Variants in MCTP2 observed in about 807,000 individuals in gnomAD.
MCTP2 encodes the protein multiple C2 and transmembrane domain containing 2.
A neutral mutation model predicts 111.6 loss-of-function variants in MCTP2; 132 were observed. The ratio of observed to expected loss-of-function variants is 1.18; its 90% confidence interval spans 1.03 to 1.37. MCTP2 has a LOEUF of 1.37. Among genes scored for constraint, MCTP2 ranks in the 40% most tolerant of loss-of-function variants. The pLI is 0.00. For synonymous variants in MCTP2, 395 were observed against 387.7 expected, an observed-to-expected ratio of 1.02 and a Z score of -0.22; for missense variants, 1,183 against 1,067.9, an observed-to-expected ratio of 1.11 and a Z score of -1.50.
chr15:94,382,496 T>G (rs1044448158), intron 12 of MCTP2, among the ~76,000 whole-genome samples: 6 of 152,286 alleles, frequency 3.9e-5, no homozygotes, highest in Admixed American at 3.9e-4. Flanking sequence ...AGGCCACTAG[T>G]CAGTTGAGTG....
intron 17 of MCTP2, among the ~76,000 whole-genome samples, chr15:94,430,503 G>A (rs1567690648): frequency 6.7e-6 from 1 of 149,532 alleles, no homozygotes; most frequent in Non-Finnish European, 1.5e-5. Flanking sequence ...AGGGTGAGGT[G>A]GGAGGATAAC....
chr15:94,383,043 T>C (rs572981868), intron 12 of MCTP2, among the ~76,000 whole-genome samples: 195 of 149,194 alleles, frequency 1.3e-3, no homozygotes, highest in African/African-American at 4.5e-3. Flanking sequence ...AAGTGAAAGA[T>C]GAGCTTAATT....
chr15:94,390,096 ATATATATATATATATATG>A (rs2080839914), intron 14 of MCTP2, among the ~76,000 whole-genome samples: 1 of 13,430 alleles, frequency 7.4e-5, no homozygotes, highest in African/African-American at 1.5e-4. Flanking sequence ...ATATGTATAT[ATATATATATATATATATG>A]TATATATATA....
chr15:94,245,417 CAT>C (rs978835438), intron 1 of MCTP2, among the ~76,000 whole-genome samples: 7 of 72,420 alleles, frequency 9.7e-5, no homozygotes, highest in South Asian at 4.4e-4. Context: ...TATTTATATA[CAT>C]GTGTGTATAT....
chr15:94,391,729 C>T (rs1225633458), intron 14 of MCTP2, among the ~76,000 whole-genome samples: 1 of 152,042 alleles, frequency 6.6e-6, no homozygotes, highest in Non-Finnish European at 1.5e-5. Context: ...GAAAGAATAC[C>T]TTTAACATGC....
chr15:94,465,079 C>T (rs2073151237), intron 20 of MCTP2, among the ~76,000 whole-genome samples: 1 of 152,098 alleles, frequency 6.6e-6, no homozygotes, highest in Admixed American at 6.5e-5. Flanking sequence ...GTCTAATCCT[C>T]CCTTGAATTT....
At chr15:94,328,324 T>C (rs1318854010) in intron 4 of MCTP2, among the ~76,000 whole-genome samples, 1 of 152,002 alleles carries the variant, frequency 6.6e-6, no homozygotes, top group Admixed American at 6.6e-5. Context: ...GAGACGGGGT[T>C]TCACTGTGTT....
intron 17 of MCTP2, among the ~76,000 whole-genome samples, chr15:94,409,688 C>G (rs2082065357): frequency 6.6e-6 from 1 of 151,836 alleles, no homozygotes; most frequent in Non-Finnish European, 1.5e-5. Flanking sequence ...CAGGCTTGCT[C>G]CTTCTCCCGA....
chr15:94,381,574 G>A (rs2080140158), intron 12 of MCTP2, among the ~76,000 whole-genome samples: 1 of 152,210 alleles, frequency 6.6e-6, no homozygotes, highest in African/African-American at 2.4e-5. Flanking sequence ...AGTAACCCCA[G>A]GGTTTTCATT....
At chr15:94,349,549 G>A (rs987155686) in intron 8 of MCTP2, among the ~76,000 whole-genome samples, 3 of 152,116 alleles carry the variant, frequency 2.0e-5, no homozygotes, top group Non-Finnish European at 4.4e-5. Flanking sequence ...TCTGTGTTGG[G>A]CTCAGGAAAG....
chr15:94,397,959 G>A (rs1419267633), intron 14 of MCTP2, among the ~76,000 whole-genome samples: 3 of 152,134 alleles, frequency 2.0e-5, no homozygotes, highest in Admixed American at 1.3e-4. Context: ...CTACTACTAT[G>A]TAAAATCATG....
At chr15:94,474,147 C>G (rs915618427) in intron 21 of MCTP2, among the ~76,000 whole-genome samples, 14 of 152,068 alleles carry the variant, frequency 9.2e-5, no homozygotes, top group African/African-American at 3.1e-4. Flanking sequence ...ATATACCCTC[C>G]CTCTGTACTA....
At chr15:94,250,155 T>G (rs1242468282) in intron 1 of MCTP2, among the ~76,000 whole-genome samples, 1 of 152,192 alleles carries the variant, frequency 6.6e-6, no homozygotes, top group East Asian at 1.9e-4. Flanking sequence ...AATTATACCA[T>G]AAATTATTTT....
chr15:94,454,830 T>C lies in MCTP2; in HGVS notation c.2251-3307T>C, dbSNP rs895743988. ...CTGAAGTTATACTTTAGGTTATTTT[T>C]ATTATTATTAGGTGGAGTCTCGCTC... On this transcript the variant is annotated intron_variant, in intron 19 of 22. Coordinates refer to ENST00000357742, the MANE Select transcript of MCTP2 (RefSeq NM_001385001.1). Among the ~76,000 whole-genome samples the C allele has an allele frequency of 2.0e-5, 3 of 150,602 alleles. No individual in the cohort carries two copies. In the South Asian group the frequency reaches 6.2e-4, roughly 31 times the overall value.
chr15:94,288,567 A>G (rs1054018074), intron 1 of MCTP2, among the ~76,000 whole-genome samples: 4 of 152,238 alleles, frequency 2.6e-5, no homozygotes, highest in Non-Finnish European at 5.9e-5. Flanking sequence ...AGTGCTTCCT[A>G]AAACAATGAT....
In MCTP2 at chr15:94,384,067, T is replaced by C; in HGVS notation, c.1628T>C (p.Leu543Pro). The change falls in exon 13 of 23, where the codon CTT (leucine) becomes CCT (proline). Residue 543 changes from leucine to proline, a missense_variant. Physicochemically the swap from Leu to Pro is moderately conservative, Grantham distance 98. Transcript: ENST00000357742. Reference sequence around the variant, plus strand: ...TTGTTGGAGTTAGGCAATGACCGACTTCAGACGCATACCGTCTACAAAAAC... The same window carrying C: ...TTGTTGGAGTTAGGCAATGACCGACCTCAGACGCATACCGTCTACAAAAAC... ...FCLLELGNDR[L>P]QTHTVYKNLN... is the part of the protein sequence containing the mutation. The C allele has an allele frequency of 6.2e-7, 1 of 1,613,984 alleles. No homozygotes were observed. Among genetic ancestry groups the C allele is most frequent in the Non-Finnish European group, 8.5e-7 (1 of 1,179,944 alleles).
Position 94,483,602 on chromosome 15 carries a change from CA to C in MCTP2, c.*4570del, listed in dbSNP as rs1361887527. 1 of 152,072 alleles carries C rather than the reference CA, an allele frequency of 6.6e-6. No homozygotes were observed. The highest frequency in any genetic ancestry group is 1.5e-5 in the Non-Finnish European group (1 of 67,998). 9.4% of individuals were successfully genotyped at this position (152,072 alleles called of 1,614,324 possible). On this transcript the variant is annotated 3_prime_UTR_variant, in exon 23 of 23. Transcript: ENST00000357742. ...CATTATCCTTAGCAAACTAATGCAG[CA>C]ACAGAAAACCAAATACCACATGTTC...
rs148264914 is a variant in MCTP2 at position 94,247,401 on chromosome 15, A to G, written c.-66+15737A>G. On this transcript the variant is annotated intron_variant, in intron 1 of 22. Coordinates refer to ENST00000357742, the MANE Select transcript of MCTP2 (RefSeq NM_001385001.1). Reference sequence around the variant, plus strand: ...ATCCAAATGTTAATGGAAAGAGGGGACAGAGAGCTGGGCTTTAGGATCCAT... The same window carrying G: ...ATCCAAATGTTAATGGAAAGAGGGGGCAGAGAGCTGGGCTTTAGGATCCAT... 5.5e-3 allele frequency among the ~76,000 whole-genome samples: 830 copies of G among 152,184 alleles called. 5 individuals are homozygous for G. The highest frequency in any genetic ancestry group is 0.019 in the African/African-American group (809 of 41,504).
In MCTP2 at chr15:94,450,345, CGTGTGT is replaced by C. The variant is rs894783243; in HGVS notation, c.2250+7391_2250+7396del. ...GTGGCGTTGACTCCATGTGTGTGTG[CGTGTGT>C]GTGTGCACGCGCACGTGTGCGTCTG... On this transcript the variant is annotated intron_variant, in intron 19 of 22. Transcript: ENST00000357742. Among the ~76,000 whole-genome samples the C allele has an allele frequency of 5.3e-5, 8 of 152,124 alleles. 1 individual carries two copies. The highest frequency in any genetic ancestry group is 2.0e-4 in the Admixed American group (3 of 15,290).
Sources: allele counts gnomAD v4.1 joint callset (sites outside exome capture counted in the v4.1 genomes callset), GRCh38; gene constraint gnomAD v4.1.1; transcripts MANE v1.5; gene names NCBI Gene and HGNC (gene_info 2026-07-23, HGNC 2026-07-21).